SNX29: variants seen among roughly 807,000 people sequenced by gnomAD.
SNX29 encodes sorting nexin-29.
In SNX29, 78 loss-of-function variants were observed where a neutral mutation model predicts 102.1. The ratio of observed to expected loss-of-function variants is 0.76; its 90% CI spans 0.64 to 0.92. The LOEUF (loss-of-function observed/expected upper bound fraction) is 0.92. Ranked by LOEUF, SNX29 falls within the 40% of genes least tolerant of loss-of-function variation. The pLI is 0.00. For missense variants in SNX29, 1,280 were observed against 1,061.7 expected, an observed-to-expected ratio of 1.21 and a Z score of -2.86; for synonymous variants, 580 against 414.5, an observed-to-expected ratio of 1.40 and a Z score of -4.85.
intron 19 of SNX29, among the ~76,000 whole-genome samples, chr16:12,491,159 G>C (rs1227064870): frequency 6.6e-6 from 1 of 152,200 alleles, no homozygotes; most frequent in Non-Finnish European, 1.5e-5. Context: ...TTGCATTTAT[G>C]TACTCTCTCT....
intron 3 of SNX29, among the ~76,000 whole-genome samples, chr16:12,025,251 G>A (rs898698642): frequency 2.2e-4 from 28 of 129,596 alleles, no homozygotes; most frequent in Non-Finnish European, 2.2e-4. Flanking sequence ...GCAGTGAGCC[G>A]AGATTGTGCC....
chr16:12,078,900 G>T lies in SNX29; in HGVS notation c.1387G>T (p.Glu463Ter). The change falls in exon 11 of 21, where the codon GAG (glutamate) becomes TAG (stop). Residue 463 changes from glutamate (E) to a stop codon, truncating the protein, a stop_gained. Coordinates refer to ENST00000566228, the MANE Select transcript of SNX29 (RefSeq NM_032167.5). LOFTEE classifies it high-confidence loss of function. ...SSLLPSASVP[E>*]SMTISELRQA... ...CCTGTTACCTTCTGCCTCAGTGCCA[G>T]AGTCCATGACAATTAGTAAGTACTT... 6.2e-7 allele frequency: 1 copy of T among 1,604,206 alleles called. No homozygotes were observed. Among genetic ancestry groups the T allele is most frequent in the Non-Finnish European group, 8.5e-7 (1 of 1,175,568 alleles).
intron 20 of SNX29, among the ~76,000 whole-genome samples, chr16:12,538,580 C>G (rs978224001): frequency 3.9e-5 from 6 of 152,116 alleles, no homozygotes; most frequent in Admixed American, 2.6e-4. Context: ...GAGCTGGCTT[C>G]TGTGTCTGGG....
intron 13 of SNX29, among the ~76,000 whole-genome samples, chr16:12,165,072 G>C (rs74857778): frequency 1.3e-5 from 2 of 152,150 alleles, no homozygotes; most frequent in South Asian, 4.1e-4. Context: ...AGAGTTTGTC[G>C]TGTTCGGCCT....
chr16:12,246,915 G>T (rs1596620948), intron 14 of SNX29, among the ~76,000 whole-genome samples: 1 of 152,118 alleles, frequency 6.6e-6, no homozygotes, highest in East Asian at 1.9e-4. Flanking sequence ...CGGCAGGTTT[G>T]TCTCCTTGCC....
intron 16 of SNX29, among the ~76,000 whole-genome samples, chr16:12,368,276 T>G (rs904147646): frequency 1.3e-5 from 2 of 152,232 alleles, no homozygotes; most frequent in African/African-American, 4.8e-5. Flanking sequence ...GATCAAAGTT[T>G]CGTGTCAGCT....
At chr16:12,460,469 G>C (rs554561108) in intron 18 of SNX29, among the ~76,000 whole-genome samples, 3 of 152,046 alleles carry the variant, frequency 2.0e-5, no homozygotes, top group Non-Finnish European at 4.4e-5. Context: ...CTTCCCTCTT[G>C]TTACCTCCTC....
chr16:12,550,583 G>T (rs534253480), intron 20 of SNX29, among the ~76,000 whole-genome samples: 17 of 151,536 alleles, frequency 1.1e-4, no homozygotes, highest in Non-Finnish European at 1.9e-4. Flanking sequence ...ACTTCCACCG[G>T]TGCATACATA....
intron 9 of SNX29, among the ~76,000 whole-genome samples, chr16:12,064,308 G>A (rs1042085712): frequency 2.6e-5 from 4 of 152,174 alleles, no homozygotes; most frequent in Non-Finnish European, 5.9e-5. Context: ...AGAACCCAGA[G>A]CTCTTCCTGC....
intron 1 of SNX29, among the ~76,000 whole-genome samples, chr16:11,989,771 C>T (rs17816981): frequency 0.015 from 2,333 of 152,266 alleles, 21 homozygotes; most frequent in Middle Eastern, 0.034. Context: ...ATTACATCAG[C>T]GCTATGGCAG....
intron 19 of SNX29, among the ~76,000 whole-genome samples, chr16:12,489,258 C>T (rs914831006): frequency 6.6e-6 from 1 of 151,482 alleles, no homozygotes; most frequent in Non-Finnish European, 1.5e-5. Flanking sequence ...CTGTGTATTG[C>T]AATCTTGGTT....
At chr16:12,077,562 T>A (rs1373253238) in intron 10 of SNX29, among the ~76,000 whole-genome samples, 1 of 152,210 alleles carries the variant, frequency 6.6e-6, no homozygotes, top group African/African-American at 2.4e-5. Context: ...AAAGTTGCTA[T>A]GAAGACTGAA....
At chr16:12,296,831 C>G (rs556653809) in intron 15 of SNX29, among the ~76,000 whole-genome samples, 18 of 152,340 alleles carry the variant, frequency 1.2e-4, no homozygotes, top group African/African-American at 4.3e-4. Context: ...AGGACTAAAG[C>G]GAGGCCCACC....
intron 18 of SNX29, among the ~76,000 whole-genome samples, chr16:12,438,237 C>T (rs1169646149): frequency 6.6e-6 from 1 of 152,186 alleles, no homozygotes; most frequent in African/African-American, 2.4e-5. Flanking sequence ...TGAGGCCAGG[C>T]AGGCAGTTCA....
chr16:12,479,575 A>T (rs921526628), intron 19 of SNX29, among the ~76,000 whole-genome samples: 1 of 152,242 alleles, frequency 6.6e-6, no homozygotes, highest in African/African-American at 2.4e-5. Flanking sequence ...TACACGTGGC[A>T]GACAGAAACT....
chr16:12,567,032 C>G (rs1336585280), intron 20 of SNX29, among the ~76,000 whole-genome samples: 2 of 151,548 alleles, frequency 1.3e-5, no homozygotes, highest in Non-Finnish European at 3.0e-5. Context: ...GAGATTCACT[C>G]CTGAGATACA....
intron 3 of SNX29, among the ~76,000 whole-genome samples, chr16:12,007,454 G>A (rs1278467936): frequency 6.6e-6 from 1 of 151,780 alleles, no homozygotes; most frequent in African/African-American, 2.4e-5. Context: ...GCAGTAAGCC[G>A]AGATCACACC....
rs947496854 is a variant in SNX29, at chr16:12,564,987, G to A, written c.2319-3519G>A. Among the ~76,000 whole-genome samples the A allele has an allele frequency of 7.3e-5, 11 of 151,274 alleles. No homozygotes were observed. The East Asian group carries it at 7.7e-4, about 11-fold the overall frequency. On this transcript the variant is annotated intron_variant, in intron 20 of 20. Coordinates refer to ENST00000566228, the MANE Select transcript of SNX29 (RefSeq NM_032167.5). ...GTAAATGTGAGGCGTTTCAGCTTCC[G>A]ACTACAGCCCATGTCTCTACTGTTG...
intron 16 of SNX29, among the ~76,000 whole-genome samples, chr16:12,360,138 A>G (rs1316977780): frequency 2.0e-5 from 3 of 152,234 alleles, no homozygotes; most frequent in Non-Finnish European, 2.9e-5. Flanking sequence ...ACCTATTGTT[A>G]ACAGTAATTT....
Sources: gnomAD v4.1 joint callset for allele counts (sites outside exome capture counted in the v4.1 genomes callset) on GRCh38, gnomAD v4.1.1 for gene constraint, MANE v1.5 for transcripts, NCBI Gene and HGNC (gene_info 2026-07-23, HGNC 2026-07-21) for gene names.